GIGYF2: variants seen among roughly 807,000 people sequenced by gnomAD.
The protein encoded by GIGYF2 is GRB10 interacting GYF protein 2.
A neutral mutation model predicts 208.1 loss-of-function variants in GIGYF2; 25 were observed. That is an observed-to-expected ratio of 0.12 (90% CI 0.09 to 0.17). GIGYF2 has a LOEUF of 0.17. Among genes scored for constraint, GIGYF2 ranks in the 10% least tolerant of loss-of-function variants. GIGYF2 has a pLI of 1.00. For synonymous variants in GIGYF2, 534 were observed against 543.8 expected, an observed-to-expected ratio of 0.98 and a Z score of 0.25; for missense variants, 1,302 against 1,579.4, an observed-to-expected ratio of 0.82 and a Z score of 2.98.
At chr2:232,731,266 A>G (rs1461482898) in intron 2 of GIGYF2, 1 of 152,234 alleles carries the variant, frequency 6.6e-6, no homozygotes, top group Non-Finnish European at 1.5e-5. Context: ...GTAGTAAGTT[A>G]AAGGGGAAAA....
intron 6 of GIGYF2, among the ~76,000 whole-genome samples, chr2:232,758,196 T>C (rs1472594086): frequency 1.3e-5 from 2 of 152,218 alleles, no homozygotes; most frequent in Non-Finnish European, 2.9e-5. Context: ...TTGTGGCTTT[T>C]CTTTGTATAG....
At chr2:232,774,887 A>G (rs1699446367) in intron 8 of GIGYF2, among the ~76,000 whole-genome samples, 1 of 152,164 alleles carries the variant, frequency 6.6e-6, no homozygotes, top group East Asian at 1.9e-4. Context: ...TAGCTAACAA[A>G]ATTCATCATT....
intron 5 of GIGYF2, among the ~76,000 whole-genome samples, chr2:232,753,688 T>C (rs1008918304): frequency 6.6e-6 from 1 of 152,284 alleles, no homozygotes; most frequent in Non-Finnish European, 1.5e-5. Flanking sequence ...TAGATAAAAA[T>C]ATCCCTGTCT....
chr2:232,783,700 GTTT>G (rs1699800542), intron 8 of GIGYF2, among the ~76,000 whole-genome samples: 3 of 151,694 alleles, frequency 2.0e-5, no homozygotes, highest in Middle Eastern at 3.4e-3. Context: ...TTGTTTGTTT[GTTT>G]GAGATGGAGT....
intron 8 of GIGYF2, among the ~76,000 whole-genome samples, chr2:232,781,364 A>G (rs1437202510): frequency 2.4e-5 from 1 of 41,328 alleles, no homozygotes; most frequent in East Asian, 1.1e-3. Flanking sequence ...CCACCCACCC[A>G]CCCATCCAAA....
intron 28 of GIGYF2, among the ~76,000 whole-genome samples, chr2:232,853,164 A>G (rs189544755): frequency 2.0e-5 from 3 of 152,332 alleles, no homozygotes; most frequent in Admixed American, 2.0e-4. Flanking sequence ...TATAATTTGT[A>G]TACTGAGAAA....
chr2:232,708,326 G>A (rs1463883600), intron 2 of GIGYF2, among the ~76,000 whole-genome samples: 2 of 152,136 alleles, frequency 1.3e-5, no homozygotes, highest in Admixed American at 6.6e-5. Context: ...CTTAATTGAG[G>A]GCAGACTATG....
chr2:232,773,655 A>C (rs1288911636), intron 8 of GIGYF2, among the ~76,000 whole-genome samples: 2 of 152,122 alleles, frequency 1.3e-5, no homozygotes, highest in Admixed American at 6.5e-5. Flanking sequence ...ATGATTCTTT[A>C]GATAGTAATG....
In GIGYF2 at chr2:232,839,134, G is replaced by T. The variant is rs187141356; in HGVS notation, c.2767-715G>T. Among the ~76,000 whole-genome samples the T allele has an allele frequency of 1.1e-4, 16 of 152,172 alleles. No homozygotes were observed. The East Asian group carries it at 3.1e-3, about 29-fold the overall frequency. On this transcript the variant is annotated intron_variant, in intron 22 of 28. Coordinates refer to ENST00000373563, the MANE Select transcript of GIGYF2 (RefSeq NM_001103146.3). ...TCTTTTTTATTGTGTTCGCTTGTTTGATGCCTCAGTATTAAAAGTGTGTCT... is the reference window on the plus strand; with the variant it reads ...TCTTTTTTATTGTGTTCGCTTGTTTTATGCCTCAGTATTAAAAGTGTGTCT...
At position 232,735,433 on chromosome 2, in the gene GIGYF2, T is replaced by C. The variant is rs1368640792; in HGVS notation, c.41+195T>C. 5 of 493,382 alleles carry C rather than the reference T, an allele frequency of 1.0e-5. No individual in the cohort carries two copies. In the Middle Eastern group the frequency reaches 1.5e-3, roughly 145 times the overall value. The allele number at this position is 493,382 out of a possible 1,614,324, so 30.6% of individuals were successfully genotyped here. ...GTGTATTCTATACTTAATTAAAATT[T>C]TTTTTCTTTGTCTGGTTATATATGT... On this transcript the variant is annotated intron_variant, in intron 3 of 28. Transcript: ENST00000373563.
At chr2:232,724,984 T>G (rs1697132544) in intron 2 of GIGYF2, among the ~76,000 whole-genome samples, 1 of 152,228 alleles carries the variant, frequency 6.6e-6, no homozygotes, top group Non-Finnish European at 1.5e-5. Flanking sequence ...TATTAACATT[T>G]TGGGGCATAT....
intron 2 of GIGYF2, among the ~76,000 whole-genome samples, chr2:232,704,673 A>C (rs1036026276): frequency 1.3e-4 from 20 of 152,100 alleles, no homozygotes; most frequent in African/African-American, 4.1e-4. Context: ...CTGGGATTAC[A>C]GGTGTGAGCC....
chr2:232,722,010 A>G (rs571050185), intron 2 of GIGYF2, among the ~76,000 whole-genome samples: 3 of 152,254 alleles, frequency 2.0e-5, no homozygotes, highest in East Asian at 1.9e-4. Context: ...TAGTGTCTAA[A>G]TCACACTTCT....
chr2:232,812,533 A>G (rs1239341212), intron 18 of GIGYF2, 42 bp downstream of exon 18: 3 of 784,884 alleles, frequency 3.8e-6, no homozygotes, highest in East Asian at 2.4e-5. Context: ...CTGAGGATTC[A>G]GAGTCTAATA....
At chr2:232,707,755 A>G (rs1027837045) in intron 2 of GIGYF2, among the ~76,000 whole-genome samples, 22 of 150,310 alleles carry the variant, frequency 1.5e-4, no homozygotes, top group Non-Finnish European at 2.9e-5. Flanking sequence ...TTCCTGCCTC[A>G]GCCTCCCTAG....
At chr2:232,720,583 A>T (rs868309128) in intron 2 of GIGYF2, among the ~76,000 whole-genome samples, 4,396 of 144,872 alleles carry the variant, frequency 0.03, 99 homozygotes, top group South Asian at 0.08. Flanking sequence ...ATATATATAT[A>T]TTTTTGTTTG....
rs146558290 is a variant in GIGYF2, at chr2:232,726,085, C to T, written c.-43-9070C>T. The stretch of plus-strand genomic sequence containing the variant: ...AAAAGGTAAGCAAGATGAGGCTGGG[C>T]GCCGTGGCCCACACCTGTAATCCAC... On this transcript the variant is annotated intron_variant, in intron 2 of 28. Transcript: ENST00000373563. Among the ~76,000 whole-genome samples, 416 of 152,172 alleles carry T rather than the reference C, an allele frequency of 2.7e-3. 4 individuals carry two copies. In the East Asian group the frequency reaches 0.032, roughly 12 times the overall value.
At position 232,859,249 on chromosome 2, in the gene GIGYF2, C is replaced by T. The variant is rs1255555814; in HGVS notation, c.*2389C>T. 1 of 152,154 alleles carries T rather than the reference C, an allele frequency of 6.6e-6. No individual in the cohort carries two copies. Among genetic ancestry groups the T allele is most frequent in the Admixed American group, 6.5e-5 (1 of 15,278 alleles). The allele number at this position is 152,154 out of a possible 1,614,324, so 9.4% of individuals were successfully genotyped here. A position where few individuals can be genotyped will look rare whatever the true frequency, so the allele number is the denominator to read the frequency against. On this transcript the variant is annotated 3_prime_UTR_variant, in exon 29 of 29. Coordinates refer to ENST00000373563, the MANE Select transcript of GIGYF2 (RefSeq NM_001103146.3). ...TATTTCCAAATTCTCCTAACTATTC[C>T]TGAGTTTTGAAGTATTTGTTTTGTA...
At chr2:232,756,363 TGGA>T (rs545527994) in intron 6 of GIGYF2, 29 bp downstream of exon 6, 224 of 1,157,818 alleles carry the variant, frequency 1.9e-4, no homozygotes, top group South Asian at 2.6e-4. Context: ...AAAGTAATAA[TGGA>T]GGAGGAGGAG....
Sources: allele counts gnomAD v4.1 joint callset (sites outside exome capture counted in the v4.1 genomes callset), GRCh38; gene constraint gnomAD v4.1.1; transcripts MANE v1.5; gene names NCBI Gene and HGNC (gene_info 2026-07-23, HGNC 2026-07-21).